Variants in SYT6 observed in about 807,000 individuals in gnomAD.
SYT6 encodes the protein synaptotagmin 6.
In SYT6, 24 loss-of-function variants were observed where a neutral mutation model predicts 38.4. The observed-to-expected ratio is 0.62, with a 90% CI of 0.45 to 0.88. The LOEUF (loss-of-function observed/expected upper bound fraction) is 0.88, where lower values mean the gene tolerates loss of function less well. Ranked by LOEUF, SYT6 falls within the 40% of genes least tolerant of loss-of-function variation. The pLI, the probability that SYT6 is intolerant of heterozygous loss-of-function variation, is 0.00. For missense variants in SYT6, 611 were observed against 621.0 expected, an observed-to-expected ratio of 0.98 and a Z score of 0.17; for synonymous variants, 265 against 241.9, an observed-to-expected ratio of 1.10 and a Z score of -0.89.
At chr1:114,125,417 G>A (rs1677664540) in intron 3 of SYT6, among the ~76,000 whole-genome samples, 1 of 152,200 alleles carries the variant, frequency 6.6e-6, no homozygotes, top group African/African-American at 2.4e-5. Flanking sequence ...TCAGATTTCA[G>A]TGCAGCCCTA....
rs139375599 is a variant in SYT6 at position 114,095,497 on chromosome 1, G to A, written c.1516-1694C>T. 4.7e-3 allele frequency among the ~76,000 whole-genome samples: 718 copies of A among 152,292 alleles called. 6 individuals carry two copies. The highest frequency in any genetic ancestry group is 0.016 in the African/African-American group (678 of 41,562). ...AGGCCCAGCCTGGTAACAGGGATGGGTTATTGCGGATTGAAGATTAGAAAG... is the reference window on the plus strand; with the variant it reads ...AGGCCCAGCCTGGTAACAGGGATGGATTATTGCGGATTGAAGATTAGAAAG... On this transcript the variant is annotated intron_variant, in intron 6 of 7. Coordinates refer to ENST00000610222, the MANE Select transcript of SYT6 (RefSeq NM_001253772.2).
chr1:114,114,620 CA>C (rs1288978283), intron 3 of SYT6, among the ~76,000 whole-genome samples: 1 of 152,182 alleles, frequency 6.6e-6, no homozygotes, highest in Admixed American at 6.5e-5. Flanking sequence ...GAGCTGCGCC[CA>C]AGATCTACTG....
chr1:114,097,317 T>G (rs680714), intron 6 of SYT6, among the ~76,000 whole-genome samples: 25,762 of 152,266 alleles, frequency 0.17, 2,207 homozygotes, highest in South Asian at 0.18. Flanking sequence ...CCAAGTGACT[T>G]CCTTGCTTGA....
At chr1:114,117,984 T>C (rs1194856801) in intron 3 of SYT6, among the ~76,000 whole-genome samples, 1 of 152,232 alleles carries the variant, frequency 6.6e-6, no homozygotes, top group Non-Finnish European at 1.5e-5. Context: ...CCCCTTCCTG[T>C]TCCATCCTGC....
At position 114,139,713 on chromosome 1, in the gene SYT6, G is replaced by A. The variant is rs1477007445; in HGVS notation, c.414C>T (p.Ser138=). The A allele has an allele frequency of 1.2e-6, 2 of 1,614,052 alleles. No homozygotes were observed. Among genetic ancestry groups the A allele is most frequent in the African/African-American group, 1.3e-5 (1 of 74,928 alleles). ...TCTGCACCTCAGCTGGGATATCTGG[G>A]GACGTGTGGCTGATCTTCACGGCCG... ...LEAAVKISHT[S]PDIPAEVQMS... is the part of the protein sequence containing the mutation. Residue 138 remains serine, a synonymous_variant, in exon 2 of 8, where the codon TCC becomes TCT. Coordinates refer to ENST00000610222, the MANE Select transcript of SYT6 (RefSeq NM_001253772.2).
intron 3 of SYT6, among the ~76,000 whole-genome samples, chr1:114,105,416 C>T (rs956513838): frequency 1.3e-5 from 2 of 149,694 alleles, no homozygotes; most frequent in African/African-American, 4.9e-5. Flanking sequence ...TTTTCCTAGC[C>T]CTAGATTTGT....
At chr1:114,102,084 C>T (rs767893004) in intron 4 of SYT6, among the ~76,000 whole-genome samples, 2 of 152,310 alleles carry the variant, frequency 1.3e-5, no homozygotes, top group African/African-American at 2.4e-5. Context: ...GCAGCTTCAC[C>T]ATAGGCTTTC....
chr1:114,126,243 C>T (rs981290385), intron 3 of SYT6, among the ~76,000 whole-genome samples: 2 of 152,142 alleles, frequency 1.3e-5, no homozygotes, highest in Non-Finnish European at 1.5e-5. Context: ...AGGTCATCTC[C>T]GAGGCTCTTT....
At chr1:114,117,426 C>CT (rs1677068294) in intron 3 of SYT6, among the ~76,000 whole-genome samples, 1 of 152,200 alleles carries the variant, frequency 6.6e-6, no homozygotes, top group East Asian at 1.9e-4. Context: ...GCCTGGTGGG[C>CT]TGAGGGGCCA....
chr1:114,145,283 A>G (rs1419456866), intron 1 of SYT6, among the ~76,000 whole-genome samples: 1 of 152,242 alleles, frequency 6.6e-6, no homozygotes, highest in African/African-American at 2.4e-5. Context: ...CTTTATATCT[A>G]TTCACTCATT....
At chr1:114,140,388 G>A (rs2101097867) in intron 1 of SYT6, among the ~76,000 whole-genome samples, 1 of 152,220 alleles carries the variant, frequency 6.6e-6, no homozygotes, top group East Asian at 1.9e-4. Context: ...CTGCTACTAT[G>A]GCCAGACTTA....
intron 3 of SYT6, among the ~76,000 whole-genome samples, chr1:114,109,354 A>G (rs1223289462): frequency 6.6e-6 from 1 of 152,230 alleles, no homozygotes; most frequent in Non-Finnish European, 1.5e-5. Context: ...ATGTGTAGTA[A>G]GTGCTCAGCA....
At chr1:114,097,966 G>A (rs762434411) in intron 5 of SYT6, 89 bp from the exon 6 acceptor site, 179 of 1,466,050 alleles carry the variant, frequency 1.2e-4, no homozygotes, top group South Asian at 1.5e-4. Context: ...GACTCTGCCC[G>A]ATGGGTCTAA....
Position 114,097,835 on chromosome 1 carries a change from G to A in SYT6, c.1407C>T (p.Ile469=). 1 of 1,614,048 alleles carries A rather than the reference G, an allele frequency of 6.2e-7. No individual in the cohort carries two copies. Residue 469 remains isoleucine (I), a synonymous_variant, in exon 6 of 8, where the codon ATC becomes ATT. Transcript: ENST00000610222. Reference sequence around the variant, plus strand: ...GGTCCCTGCCCAGGCCTTCAGCAGTGATCCCCACACGACAGACTCCTATGA... The same window carrying A: ...GGTCCCTGCCCAGGCCTTCAGCAGTAATCCCCACACGACAGACTCCTATGA... ...NEIIGVCRVG[I]TAEGLGRDHW...
chr1:114,125,799 A>C (rs1677690321), intron 3 of SYT6, among the ~76,000 whole-genome samples: 1 of 152,190 alleles, frequency 6.6e-6, no homozygotes, highest in South Asian at 2.1e-4. Context: ...TCAGGATCAA[A>C]ACACTTTGAT....
intron 1 of SYT6, among the ~76,000 whole-genome samples, chr1:114,141,839 T>C (rs1249317570): frequency 6.6e-6 from 1 of 152,186 alleles, no homozygotes; most frequent in Non-Finnish European, 1.5e-5. Context: ...CCTTAAGAAT[T>C]ATGCTCAATC....
At chr1:114,115,325 T>C (rs1676928414) in intron 3 of SYT6, among the ~76,000 whole-genome samples, 1 of 152,214 alleles carries the variant, frequency 6.6e-6, no homozygotes. Context: ...TCTTTGAATC[T>C]ATTTATTTTG....
intron 7 of SYT6, among the ~76,000 whole-genome samples, chr1:114,092,338 C>CTCTCTCTCTCTCTCTCTG (rs991723002): frequency 7.8e-6 from 1 of 128,488 alleles, no homozygotes; most frequent in African/African-American, 2.8e-5. Flanking sequence ...CTCTCTCTCT[C>CTCTCTCTCTCTCTCTCTG]TGTGTGTGTG....
chr1:114,119,993 C>T (rs59811461), intron 3 of SYT6, among the ~76,000 whole-genome samples: 2,705 of 151,516 alleles, frequency 0.018, 79 homozygotes, highest in African/African-American at 0.062. Context: ...ACGGCCTGAA[C>T]CTGGGAGGCG....
Sources: allele counts gnomAD v4.1 joint callset (sites outside exome capture counted in the v4.1 genomes callset), GRCh38; gene constraint gnomAD v4.1.1; transcripts MANE v1.5; gene names NCBI Gene and HGNC (gene_info 2026-07-23, HGNC 2026-07-21).